Variants in CEP70 observed in about 807,000 individuals in gnomAD.
CEP70 encodes centrosomal protein 70, also known as centrosomal protein of 70 kDa.
In CEP70, 70 loss-of-function variants were observed where a neutral mutation model predicts 90.9. The ratio of observed to expected loss-of-function variants is 0.77; its 90% confidence interval spans 0.64 to 0.94. CEP70 has a LOEUF of 0.94. CEP70 is among the 40% of genes least tolerant of loss of function. CEP70 has a pLI of 0.00. For synonymous variants in CEP70, 220 were observed against 228.3 expected (o/e 0.96, Z 0.33); for missense variants, 648 against 669.0 (o/e 0.97, Z 0.35).
intron 1 of CEP70, 78 bp downstream of exon 1, chr3:138,594,120 G>A (rs568364179): frequency 4.6e-5 from 7 of 152,418 alleles, no homozygotes; most frequent in Admixed American, 2.0e-4. Flanking sequence ...CCACTTTTAG[G>A]CCCAGGTGAG....
chr3:138,566,828 A>C (rs925909532), intron 6 of CEP70, among the ~76,000 whole-genome samples: 27 of 151,892 alleles, frequency 1.8e-4, no homozygotes, highest in African/African-American at 4.3e-4. Flanking sequence ...TAAAAAAAAA[A>C]CTTAAATGTA....
chr3:138,584,995 G>A (rs375046774), intron 2 of CEP70, among the ~76,000 whole-genome samples: 26 of 152,190 alleles, frequency 1.7e-4, no homozygotes, highest in African/African-American at 6.3e-4. Context: ...AATTGCTGTA[G>A]TTAGGACTAG....
chr3:138,537,248 G>A lies in CEP70; in HGVS notation c.565C>T (p.Arg189Cys), dbSNP rs779132771. The change falls in exon 7 of 18, where the codon CGC becomes TGC. Residue 189 changes from arginine (R) to cysteine (C), a missense_variant. By Grantham distance (180) the Arg-to-Cys change is radical. Coordinates refer to ENST00000264982, the MANE Select transcript of CEP70 (RefSeq NM_024491.4). ...VCRLKKEEED[R>C]IVTQNRVFAY... ...AACACTCTGTTTTGAGTGACAATGC[G>A]ATCTTCTTCCTCCTTTTTTAATCTA... 1.9e-5 allele frequency: 31 copies of A among 1,607,074 alleles called. No homozygotes were observed. Among genetic ancestry groups the A allele is most frequent in the Admixed American group, 1.5e-4 (9 of 58,830 alleles).
intron 2 of CEP70, among the ~76,000 whole-genome samples, chr3:138,579,914 T>C (rs1350492657): frequency 6.6e-6 from 1 of 151,984 alleles, no homozygotes; most frequent in Non-Finnish European, 1.5e-5. Context: ...AGAAAGCTCT[T>C]GGGGTTCCCA....
chr3:138,502,840 C>T (rs2276783), intron 13 of CEP70, among the ~76,000 whole-genome samples: 20 of 152,102 alleles, frequency 1.3e-4, no homozygotes, highest in Non-Finnish European at 2.4e-4. Context: ...GCCAGCCTAC[C>T]GTGTACGTCT....
chr3:138,529,737 G>A (rs892942197), intron 8 of CEP70, among the ~76,000 whole-genome samples: 1 of 152,106 alleles, frequency 6.6e-6, no homozygotes, highest in Non-Finnish European at 1.5e-5. Flanking sequence ...CCTAGAAAAA[G>A]TATGGAATAT....
chr3:138,578,271 G>C (rs2041661969), intron 2 of CEP70, among the ~76,000 whole-genome samples: 5 of 152,136 alleles, frequency 3.3e-5, no homozygotes, highest in Admixed American at 3.3e-4. Context: ...GTGGGGGAGG[G>C]CAAACCACTA....
At chr3:138,562,538 A>T (rs2040490177) in intron 6 of CEP70, among the ~76,000 whole-genome samples, 1 of 152,228 alleles carries the variant, frequency 6.6e-6, no homozygotes, top group Non-Finnish European at 1.5e-5. Context: ...AAGCCAGAGG[A>T]GAGTGGGGGC....
rs573163799 is a variant in CEP70, at chr3:138,523,667, G to T, written c.944+1823C>A. ...AAAAACCCAGGAATCCCACTTACAA[G>T]GAACGTGAAGGACCTCTTCAAGGAG... On this transcript the variant is annotated intron_variant, in intron 11 of 17. Coordinates refer to ENST00000264982, the MANE Select transcript of CEP70 (RefSeq NM_024491.4). Among the ~76,000 whole-genome samples, 411 of 152,176 alleles carry T rather than the reference G, an allele frequency of 2.7e-3. 1 individual carries two copies. Among genetic ancestry groups the T allele is most frequent in the African/African-American group, 8.7e-3 (362 of 41,506 alleles).
At chr3:138,572,597 T>C (rs1310191479) in intron 3 of CEP70, among the ~76,000 whole-genome samples, 1 of 152,252 alleles carries the variant, frequency 6.6e-6, no homozygotes, top group African/African-American at 2.4e-5. Context: ...TTTTCCAAAG[T>C]ACATGCTACA....
At chr3:138,574,411 G>A (rs546218883) in intron 2 of CEP70, among the ~76,000 whole-genome samples, 4 of 152,320 alleles carry the variant, frequency 2.6e-5, no homozygotes, top group African/African-American at 9.6e-5. Context: ...CATTGCTGAG[G>A]CTTGAGTAGG....
At position 138,574,247 on chromosome 3, in the gene CEP70, G is replaced by A. The variant is rs117571672; in HGVS notation, c.-5-1315C>T. Among the ~76,000 whole-genome samples the A allele has an allele frequency of 2.1e-4, 32 of 152,290 alleles. No individual in the cohort carries two copies. In the East Asian group the frequency reaches 4.5e-3, roughly 21 times the overall value. ...CCAGACACTGCTACCCAAACACTGC[G>A]CTTTTCCAATGGTCTCAGCAAGTGG... On this transcript the variant is annotated intron_variant, in intron 2 of 17. Coordinates refer to ENST00000264982, the MANE Select transcript of CEP70 (RefSeq NM_024491.4).
At position 138,569,433 on chromosome 3, in the gene CEP70, A is replaced by G. The variant is rs529139351; in HGVS notation, c.465+885T>C. On this transcript the variant is annotated intron_variant, in intron 6 of 17. Transcript: ENST00000264982. Reference sequence around the variant, plus strand: ...TCAGAAACAACTCATACAACTAAACATTAGTTACCAGCATAAGATTCATTT... The same window carrying G: ...TCAGAAACAACTCATACAACTAAACGTTAGTTACCAGCATAAGATTCATTT... Among the ~76,000 whole-genome samples, 10 of 152,364 alleles carry G rather than the reference A, an allele frequency of 6.6e-5. No homozygotes were observed. In the East Asian group the frequency reaches 1.9e-3, roughly 29 times the overall value.
chr3:138,558,807 C>A (rs1362873238), intron 6 of CEP70, among the ~76,000 whole-genome samples: 1 of 152,034 alleles, frequency 6.6e-6, no homozygotes, highest in Non-Finnish European at 1.5e-5. Context: ...TAAAAAACAA[C>A]CAGGCACACC....
intron 2 of CEP70, among the ~76,000 whole-genome samples, chr3:138,588,635 G>C (rs2042226793): frequency 6.6e-6 from 1 of 152,174 alleles, no homozygotes; most frequent in South Asian, 2.1e-4. Flanking sequence ...CTGCCGACGG[G>C]AATTTAAACT....
intron 17 of CEP70, chr3:138,496,939 A>C: frequency 1.0e-6 from 1 of 986,496 alleles, no homozygotes; most frequent in Non-Finnish European, 1.2e-6. Flanking sequence ...TTAATGTGCC[A>C]AATATTTATG....
At chr3:138,551,135 T>C (rs562952981) in intron 6 of CEP70, among the ~76,000 whole-genome samples, 2 of 152,292 alleles carry the variant, frequency 1.3e-5, no homozygotes, top group East Asian at 3.9e-4. Context: ...CCAGGTAACC[T>C]ATAAAGGAAA....
intron 6 of CEP70, among the ~76,000 whole-genome samples, chr3:138,556,261 G>A (rs1179106565): frequency 6.6e-6 from 1 of 152,150 alleles, no homozygotes; most frequent in African/African-American, 2.4e-5. Context: ...CGGGCACGGT[G>A]GCTCACGCCT....
At chr3:138,496,953 G>A (rs1189049525) in intron 17 of CEP70, 2 of 986,806 alleles carry the variant, frequency 2.0e-6, no homozygotes, top group African/African-American at 1.7e-5. Context: ...ATTTATGAAT[G>A]ATGAGAACAT....
Sources: allele counts gnomAD v4.1 joint callset (sites outside exome capture counted in the v4.1 genomes callset), GRCh38; gene constraint gnomAD v4.1.1; transcripts MANE v1.5; gene names NCBI Gene and HGNC (gene_info 2026-07-23, HGNC 2026-07-21).